The following CNTLN variants were observed in gnomAD, a reference collection of about 807,000 sequenced individuals.
CNTLN encodes the protein centlein, centrosomal protein.
A neutral mutation model predicts 180.0 loss-of-function variants in CNTLN; 212 were observed. The ratio of observed to expected loss-of-function variants is 1.18; its 90% CI spans 1.05 to 1.32. CNTLN has a LOEUF of 1.32. Ranked by LOEUF, CNTLN falls within the 40% of genes most tolerant of loss-of-function variation. CNTLN has a pLI of 0.00. For missense variants in CNTLN, 2,095 were observed against 1,610.9 expected, an observed-to-expected ratio of 1.30 and a Z score of -5.14; for synonymous variants, 722 against 563.1, an observed-to-expected ratio of 1.28 and a Z score of -3.99.
chr9:17,262,147 C>G (rs1343251755), intron 5 of CNTLN, among the ~76,000 whole-genome samples: 1 of 151,502 alleles, frequency 6.6e-6, no homozygotes, highest in Non-Finnish European at 1.5e-5. Flanking sequence ...TTAGTTCAAC[C>G]ATTGTGGAAG....
intron 8 of CNTLN, among the ~76,000 whole-genome samples, chr9:17,325,938 C>A (rs1188958520): frequency 6.6e-6 from 1 of 151,848 alleles, no homozygotes; most frequent in Non-Finnish European, 1.5e-5. Context: ...TTCAGTCGGC[C>A]CCCACTGTAA....
In CNTLN at chr9:17,288,951, A is replaced by G. The variant is rs991878256; in HGVS notation, c.984-9239A>G. Among the ~76,000 whole-genome samples the G allele has an allele frequency of 2.2e-4, 25 of 113,764 alleles. 4 individuals carry two copies. The highest frequency in any genetic ancestry group is 9.1e-4 in the African/African-American group (23 of 25,224). 74.6% of individuals were successfully genotyped at this position (113,764 alleles called of 152,430 possible). A position where few individuals can be genotyped will look rare whatever the true frequency, so the allele number is the denominator to read the frequency against. ...GAATACAGCACACTGATGGGTCTTG[A>G]CTCTTTATCCAATTTGCCAGTCTGT... On this transcript the variant is annotated intron_variant, in intron 6 of 25. Transcript: ENST00000380647.
intron 2 of CNTLN, among the ~76,000 whole-genome samples, chr9:17,172,327 C>T (rs142677943): frequency 6.6e-6 from 1 of 152,198 alleles, no homozygotes; most frequent in Non-Finnish European, 1.5e-5. Context: ...ACCATGGTAG[C>T]ACCTGCTGTG....
chr9:17,177,422 T>A (rs2383012), intron 2 of CNTLN, among the ~76,000 whole-genome samples: 7,235 of 151,610 alleles, frequency 0.048, 221 homozygotes, highest in South Asian at 0.14. Context: ...AAAAAAAAAA[T>A]TATTTTCAGT....
At chr9:17,295,175 C>G (rs554072002) in intron 6 of CNTLN, among the ~76,000 whole-genome samples, 1 of 151,998 alleles carries the variant, frequency 6.6e-6, no homozygotes, top group African/African-American at 2.4e-5. Context: ...GGCCCGCAGG[C>G]GCTGCACGCA....
At chr9:17,149,100 G>C (rs1187676645) in intron 2 of CNTLN, among the ~76,000 whole-genome samples, 2 of 152,100 alleles carry the variant, frequency 1.3e-5, no homozygotes, top group African/African-American at 4.8e-5. Flanking sequence ...AGTTTGCTGG[G>C]AATGATGGTT....
the CNTLN span, among the ~76,000 whole-genome samples, chr9:17,516,961 C>G: frequency 6.6e-6 from 1 of 152,170 alleles, no homozygotes; most frequent in Non-Finnish European, 1.5e-5. Flanking sequence ...CGAGCACAAT[C>G]TTTCCATCTC....
chr9:17,298,915 C>A, intron 7 of CNTLN: 1 of 985,234 alleles, frequency 1.0e-6, no homozygotes, highest in Non-Finnish European at 1.2e-6. Flanking sequence ...TGCTAACTGA[C>A]TCAGCAGCAA....
chr9:17,299,884 G>C, intron 7 of CNTLN: 1 of 755,200 alleles, frequency 1.3e-6, no homozygotes, highest in African/African-American at 1.9e-5. Context: ...TACTATAATT[G>C]GGTGGCTTTC....
chr9:17,403,815 G>T (rs917236669), intron 15 of CNTLN, among the ~76,000 whole-genome samples: 1 of 151,634 alleles, frequency 6.6e-6, no homozygotes, highest in African/African-American at 2.4e-5. Context: ...TCGCTCTGTT[G>T]CCCAGACTGG....
At chr9:17,341,770 A>C (rs1365421453) in intron 11 of CNTLN, among the ~76,000 whole-genome samples, 1 of 152,206 alleles carries the variant, frequency 6.6e-6, no homozygotes, top group Non-Finnish European at 1.5e-5. Context: ...TAATTGTCAC[A>C]TCTAATTTTT....
chr9:17,464,412 A>T, intron 20 of CNTLN, 85 bp from the exon 21 acceptor site: 1 of 1,122,342 alleles, frequency 8.9e-7, no homozygotes. Context: ...AAGTAACAGT[A>T]GGTATAATAT....
chr9:17,299,946 T>C (rs937270436), intron 7 of CNTLN: 2 of 226,608 alleles, frequency 8.8e-6, no homozygotes, highest in South Asian at 3.2e-4. Flanking sequence ...TCCTCCCCAG[T>C]CTCCATGTCC....
chr9:17,239,880 A>T (rs2132183372), intron 5 of CNTLN, among the ~76,000 whole-genome samples: 1 of 152,222 alleles, frequency 6.6e-6, no homozygotes, highest in Middle Eastern at 3.4e-3. Flanking sequence ...GATTTGTAGC[A>T]AGTTTTGAAA....
rs114383490 is a variant in CNTLN, at chr9:17,434,576, C to T, written c.3114+18387C>T. 9.8e-3 allele frequency among the ~76,000 whole-genome samples: 1,490 copies of T among 151,738 alleles called. 15 individuals carry two copies. The highest frequency in any genetic ancestry group is 0.026 in the African/African-American group (1,069 of 41,350). ...AATTTTAGTTTTATTCCATTATGAC[C>T]AGAGGCTAGTCTGTGTATATTTCCA... On this transcript the variant is annotated intron_variant, in intron 18 of 25. Coordinates refer to ENST00000380647, the MANE Select transcript of CNTLN (RefSeq NM_017738.4).
chr9:17,252,626 A>G (rs1826216658), intron 5 of CNTLN, among the ~76,000 whole-genome samples: 1 of 151,704 alleles, frequency 6.6e-6, no homozygotes, highest in African/African-American at 2.4e-5. Flanking sequence ...TGTCGATTCT[A>G]GTTACTAGTC....
intron 19 of CNTLN, among the ~76,000 whole-genome samples, chr9:17,459,535 T>G (rs1346669461): frequency 6.6e-6 from 1 of 151,852 alleles, no homozygotes; most frequent in Non-Finnish European, 1.5e-5. Context: ...TACATAATAT[T>G]GTCTACTACT....
At chr9:17,416,796 A>G (rs779444654) in intron 18 of CNTLN, among the ~76,000 whole-genome samples, 1 of 152,082 alleles carries the variant, frequency 6.6e-6, no homozygotes, top group Non-Finnish European at 1.5e-5. Context: ...AAAAGAAAAG[A>G]TTTTTTGTTC....
chr9:17,398,334 G>A (rs1189189078), intron 15 of CNTLN, among the ~76,000 whole-genome samples: 1 of 152,148 alleles, frequency 6.6e-6, no homozygotes, highest in East Asian at 1.9e-4. Flanking sequence ...GACTTACAAG[G>A]AGACAGGAGT....
Sources: allele counts gnomAD v4.1 joint callset (sites outside exome capture counted in the v4.1 genomes callset), GRCh38; gene constraint gnomAD v4.1.1; transcripts MANE v1.5; gene names NCBI Gene and HGNC (gene_info 2026-07-23, HGNC 2026-07-21).